Variants in MCM9 observed in about 807,000 individuals in gnomAD.
MCM9 encodes the protein minichromosome maintenance 9 homologous recombination repair factor, also known as DNA helicase MCM9.
A neutral mutation model predicts 72.8 loss-of-function variants in MCM9; 55 were observed. The observed-to-expected ratio is 0.76, with a 90% confidence interval of 0.61 to 0.95. MCM9 has a LOEUF of 0.95. Ranked by LOEUF, MCM9 falls within the 40% of genes least tolerant of loss-of-function variation. The pLI is 0.00. For missense variants in MCM9, 1,279 were observed against 1,377.0 expected, an observed-to-expected ratio of 0.93 and a Z score of 1.13; for synonymous variants, 480 against 503.4, an observed-to-expected ratio of 0.95 and a Z score of 0.62.
intron 6 of MCM9, among the ~76,000 whole-genome samples, chr6:118,917,296 G>A (rs1781042517): frequency 1.3e-5 from 2 of 151,874 alleles, no homozygotes; most frequent in South Asian, 2.1e-4. Flanking sequence ...GATATGATAG[G>A]AAACTCTGAA....
intron 8 of MCM9, among the ~76,000 whole-genome samples, chr6:118,897,910 C>T (rs1779542137): frequency 6.6e-6 from 1 of 152,054 alleles, no homozygotes; most frequent in African/African-American, 2.4e-5. Flanking sequence ...GCAAGCATCC[C>T]ATAAACATAA....
At chr6:118,910,751 A>G (rs1780484306) in intron 8 of MCM9, 2 of 985,428 alleles carry the variant, frequency 2.0e-6, no homozygotes, top group Non-Finnish European at 2.4e-6. Context: ...CCAAAAATCC[A>G]TTCTTGTCAA....
intron 8 of MCM9, among the ~76,000 whole-genome samples, chr6:118,873,957 TA>T (rs1389326920): frequency 1.3e-5 from 2 of 152,158 alleles, no homozygotes; most frequent in Non-Finnish European, 2.9e-5. Context: ...ATAATCACGT[TA>T]AAAAAATCAA....
chr6:118,877,928 T>G (rs1448342957), intron 8 of MCM9, among the ~76,000 whole-genome samples: 1 of 152,170 alleles, frequency 6.6e-6, no homozygotes, highest in Non-Finnish European at 1.5e-5. Context: ...TTTAGGAGGC[T>G]GAGATGAGGG....
chr6:118,930,022 G>A (rs776435073), intron 3 of MCM9, among the ~76,000 whole-genome samples: 1 of 151,976 alleles, frequency 6.6e-6, no homozygotes, highest in Non-Finnish European at 1.5e-5. Context: ...AACCTTTTTG[G>A]AATTCAGGAA....
chr6:118,850,644 T>C (rs1022620248), intron 9 of MCM9, among the ~76,000 whole-genome samples: 6 of 151,916 alleles, frequency 3.9e-5, no homozygotes, highest in Non-Finnish European at 7.4e-5. Context: ...ACTGTTGTTA[T>C]TGTTGGTATT....
chr6:118,908,896 G>A (rs1780347615), intron 8 of MCM9: 1 of 152,502 alleles, frequency 6.6e-6, no homozygotes, highest in South Asian at 2.1e-4. Context: ...TTGAGGAAAG[G>A]AAAAGGGCAT....
At chr6:118,901,802 A>G (rs777289335) in intron 8 of MCM9, among the ~76,000 whole-genome samples, 4 of 152,238 alleles carry the variant, frequency 2.6e-5, no homozygotes, top group Admixed American at 6.5e-5. Flanking sequence ...GAACTCACTG[A>G]AAAGACTTAA....
intron 8 of MCM9, among the ~76,000 whole-genome samples, chr6:118,859,346 T>C (rs919720642): frequency 3.9e-5 from 6 of 152,204 alleles, no homozygotes; most frequent in African/African-American, 1.4e-4. Context: ...CTGTGAATTC[T>C]TTTGGTTTCC....
rs1347720954 is a variant in MCM9 at position 118,814,173 on chromosome 6, A to C, written c.*651T>G. ...CTCAAGAAAGAAAGGACAACTCAGA[A>C]GGTCAGTACTTCAGAAAGGTACTGT... On this transcript the variant is annotated 3_prime_UTR_variant, in exon 14 of 14. Coordinates refer to ENST00000619706, the MANE Select transcript of MCM9 (RefSeq NM_017696.3). 6.6e-6 allele frequency: 1 copy of C among 152,232 alleles called. No homozygotes were observed. The highest frequency in any genetic ancestry group is 6.5e-5 in the Admixed American group (1 of 15,280). The allele number at this position is 152,232 out of a possible 1,614,324, so 9.4% of individuals were successfully genotyped here.
At chr6:118,921,083 G>C (rs910742190) in intron 5 of MCM9, 1 of 152,196 alleles carries the variant, frequency 6.6e-6, no homozygotes, top group Non-Finnish European at 1.5e-5. Flanking sequence ...CAGATTTCCA[G>C]AACAGTTCTG....
intron 10 of MCM9, among the ~76,000 whole-genome samples, chr6:118,828,785 G>A (rs1774338618): frequency 6.6e-6 from 1 of 152,174 alleles, no homozygotes; most frequent in African/African-American, 2.4e-5. Flanking sequence ...TGTATCATAA[G>A]GTTGTCCCCT....
At chr6:118,905,908 C>A in intron 8 of MCM9, 1 of 1,068,368 alleles carries the variant, frequency 9.4e-7, no homozygotes, top group Non-Finnish European at 1.3e-6. Context: ...TCATAGTATA[C>A]TATTAAAATG....
rs902182209 is a variant in MCM9, at chr6:118,816,211, C to T, written c.2045G>A (p.Gly682Glu). The T allele has an allele frequency of 9.0e-6, 14 of 1,550,316 alleles. No homozygotes were observed. The Admixed American group carries it at 9.8e-5, about 11-fold the overall frequency. The change falls in exon 14 of 14, where the codon GGG (glycine) becomes GAG (glutamate). Residue 682 changes from glycine to glutamate, a missense_variant. Coordinates refer to ENST00000619706, the MANE Select transcript of MCM9 (RefSeq NM_017696.3). The stretch of plus-strand genomic sequence containing the variant: ...TGAAGTTCTGAAGTTTGATTCTTCC[C>T]CTGGACCATTTCTCAAGGATCCTGG... Reference protein sequence around the residue: ...TTPGSLRNGPGEESNFRTSSQ... With the variant: ...TTPGSLRNGPEEESNFRTSSQ...
intron 8 of MCM9, among the ~76,000 whole-genome samples, chr6:118,858,337 A>C (rs562156425): frequency 1.4e-4 from 21 of 152,182 alleles, no homozygotes; most frequent in African/African-American, 2.9e-4. Flanking sequence ...CTCTCAAAAA[A>C]TTAGGAACGG....
At chr6:118,888,419 A>G (rs375201929) in intron 8 of MCM9, among the ~76,000 whole-genome samples, 4 of 152,092 alleles carry the variant, frequency 2.6e-5, no homozygotes, top group Non-Finnish European at 5.9e-5. Context: ...CCTGGGAGGC[A>G]GAGCTTGCAG....
chr6:118,877,465 G>A (rs1391446017), intron 8 of MCM9, among the ~76,000 whole-genome samples: 1 of 152,030 alleles, frequency 6.6e-6, no homozygotes, highest in Non-Finnish European at 1.5e-5. Context: ...TAAATAATAA[G>A]GAAAATTCAA....
intron 8 of MCM9, among the ~76,000 whole-genome samples, chr6:118,867,357 A>G (rs1271019206): frequency 1.3e-5 from 2 of 152,182 alleles, no homozygotes; most frequent in African/African-American, 4.8e-5. Flanking sequence ...ACAAAGCATT[A>G]CTTGTGTTTG....
intron 9 of MCM9, among the ~76,000 whole-genome samples, chr6:118,839,108 G>T (rs1395063215): frequency 6.6e-6 from 1 of 151,980 alleles, no homozygotes; most frequent in African/African-American, 2.4e-5. Flanking sequence ...ATTTCTTGGA[G>T]ACTTTGTTCG....
Sources: allele counts gnomAD v4.1 joint callset (sites outside exome capture counted in the v4.1 genomes callset), GRCh38; gene constraint gnomAD v4.1.1; transcripts MANE v1.5; gene names NCBI Gene and HGNC (gene_info 2026-07-23, HGNC 2026-07-21).